ATP2B2: variants seen among roughly 807,000 people sequenced by gnomAD.
ATP2B2 encodes plasma membrane calcium-transporting ATPase 2.
ATP2B2 carries 15 observed loss-of-function variants against 120.0 expected under a neutral mutation model. The observed-to-expected ratio is 0.12, with a 90% CI of 0.08 to 0.19. The LOEUF is 0.19. ATP2B2 is among the 10% of genes least tolerant of loss of function. The pLI is 1.00. For missense variants in ATP2B2, 1,045 were observed against 1,719.8 expected (o/e 0.61, Z 6.94); for synonymous variants, 694 against 700.3 (o/e 0.99, Z 0.14).
intron 1 of ATP2B2, among the ~76,000 whole-genome samples, chr3:10,695,606 G>A (rs1413373893): frequency 6.6e-6 from 1 of 152,132 alleles, no homozygotes; most frequent in Admixed American, 6.5e-5. Flanking sequence ...TCACAACTGA[G>A]GTCATCCCAG....
intron 1 of ATP2B2, among the ~76,000 whole-genome samples, chr3:10,486,917 A>T (rs554061520): frequency 2.6e-5 from 4 of 152,118 alleles, no homozygotes; most frequent in African/African-American, 9.6e-5. Flanking sequence ...ATGGGGTTTC[A>T]TCTCTACTAA....
At chr3:10,492,223 G>A (rs1320357465) in intron 1 of ATP2B2, among the ~76,000 whole-genome samples, 1 of 152,134 alleles carries the variant, frequency 6.6e-6, no homozygotes, top group African/African-American at 2.4e-5. Flanking sequence ...GTGCTCTGCT[G>A]GGGGAGAAGC....
intron 1 of ATP2B2, among the ~76,000 whole-genome samples, chr3:10,630,699 TTAA>T (rs565118790): frequency 6.6e-6 from 1 of 152,240 alleles, no homozygotes; most frequent in Non-Finnish European, 1.5e-5. Flanking sequence ...GTTATTGTTA[TTAA>T]TACTCTGCAT....
chr3:10,601,033 C>T (rs2068894222), intron 2 of ATP2B2, among the ~76,000 whole-genome samples: 1 of 152,178 alleles, frequency 6.6e-6, no homozygotes, highest in African/African-American at 2.4e-5. Context: ...CCAGGAAGCA[C>T]AGGGTGCCAG....
chr3:10,595,502 A>G (rs1314672965), intron 2 of ATP2B2, among the ~76,000 whole-genome samples: 1 of 152,224 alleles, frequency 6.6e-6, no homozygotes, highest in Non-Finnish European at 1.5e-5. Context: ...TAAATAAACT[A>G]TTACCCTCAC....
chr3:10,371,661 A>G, intron 12 of ATP2B2, 148 bp downstream of exon 12: 1 of 1,236,276 alleles, frequency 8.1e-7, no homozygotes, highest in Non-Finnish European at 1.1e-6. Flanking sequence ...TATTAACTCA[A>G]ACAGAAACAT....
chr3:10,440,551 C>T (rs577101385), intron 2 of ATP2B2, among the ~76,000 whole-genome samples: 1 of 152,310 alleles, frequency 6.6e-6, no homozygotes, highest in South Asian at 2.1e-4. Flanking sequence ...TGTACACATC[C>T]TGGTTGTCAT....
chr3:10,559,631 A>C (rs1314081026), intron 2 of ATP2B2, among the ~76,000 whole-genome samples: 4 of 152,180 alleles, frequency 2.6e-5, no homozygotes, highest in African/African-American at 9.7e-5. Flanking sequence ...CACCCAGCCC[A>C]GGGTGCTGGA....
intron 2 of ATP2B2, among the ~76,000 whole-genome samples, chr3:10,600,721 C>T (rs1290201640): frequency 6.6e-6 from 1 of 152,196 alleles, no homozygotes; most frequent in Non-Finnish European, 1.5e-5. Context: ...GGGCCCTCTG[C>T]CCAGTTGAGA....
intron 1 of ATP2B2, among the ~76,000 whole-genome samples, chr3:10,665,674 G>A (rs994829464): frequency 1.3e-5 from 2 of 152,206 alleles, no homozygotes; most frequent in South Asian, 2.1e-4. Context: ...GTTGCTTGGA[G>A]GGCATGCCAA....
rs576548504 is a variant in ATP2B2, at chr3:10,366,957, G to A, written c.1659+4852C>T. Among the ~76,000 whole-genome samples, 7 of 152,354 alleles carry A rather than the reference G, an allele frequency of 4.6e-5. No homozygotes were observed. The South Asian group carries it at 1.2e-3, about 27-fold the overall frequency. On this transcript the variant is annotated intron_variant, in intron 12 of 22. Coordinates refer to ENST00000360273, the MANE Select transcript of ATP2B2 (RefSeq NM_001001331.4). ...TAGAAATAAGAATGGAAAGAAAAAA[G>A]GCTCTGCCATTCTCAGAAAGGATGG...
chr3:10,366,990 G>C (rs927771980), intron 12 of ATP2B2, among the ~76,000 whole-genome samples: 1 of 152,232 alleles, frequency 6.6e-6, no homozygotes, highest in African/African-American at 2.4e-5. Flanking sequence ...TGGGGCACAG[G>C]GTGGGGCTGG....
In ATP2B2 at chr3:10,328,186, G is replaced by A. The variant is rs1202436951; in HGVS notation, c.*628C>T. ...ATACAGTCTCGGAAAAGTATACGTT[G>A]ATATAGATACAAAGAAATGGATATA... On this transcript the variant is annotated 3_prime_UTR_variant, in exon 23 of 23. Transcript: ENST00000360273. 1 of 151,810 alleles carries A rather than the reference G, an allele frequency of 6.6e-6. No homozygotes were observed. The highest frequency in any genetic ancestry group is 2.4e-5 in the African/African-American group (1 of 41,156). The allele number at this position is 151,810 out of a possible 1,614,324, so 9.4% of individuals were successfully genotyped here.
intron 1 of ATP2B2, among the ~76,000 whole-genome samples, chr3:10,655,439 A>C (rs1261344858): frequency 1.0e-5 from 1 of 97,996 alleles, no homozygotes; most frequent in African/African-American, 9.4e-5. Context: ...CTATTTTGTA[A>C]ATTCCCTGGG....
At chr3:10,352,654 C>T (rs1331244519) in intron 14 of ATP2B2, among the ~76,000 whole-genome samples, 3 of 152,346 alleles carry the variant, frequency 2.0e-5, no homozygotes, top group Non-Finnish European at 4.4e-5. Flanking sequence ...GCCCCTGCCT[C>T]GTGCCACAGC....
chr3:10,500,854 C>T (rs1206609696), intron 1 of ATP2B2, among the ~76,000 whole-genome samples: 2 of 152,250 alleles, frequency 1.3e-5, no homozygotes, highest in East Asian at 3.8e-4. Context: ...CTCCTTGCTA[C>T]TTCCTGAGAC....
At chr3:10,686,974 A>T (rs1242118348) in intron 1 of ATP2B2, among the ~76,000 whole-genome samples, 1 of 152,218 alleles carries the variant, frequency 6.6e-6, no homozygotes, top group Non-Finnish European at 1.5e-5. Context: ...GATATTAGAG[A>T]GGCACAGTTG....
At position 10,340,544 on chromosome 3, in the gene ATP2B2, G is replaced by A; in HGVS notation, c.3078C>T (p.Ile1026=). The A allele has an allele frequency of 1.2e-6, 2 of 1,614,250 alleles. No individual in the cohort carries two copies. The highest frequency in any genetic ancestry group is 1.7e-6 in the Non-Finnish European group (2 of 1,180,042). ...TGGTGCAGAAGATGGGGTTCCGGAA[G>A]ATGCCGTCAAAGACATTGCGCTCGC... is the stretch of plus-strand genomic sequence containing the variant. The part of the protein sequence containing the change: ...IHGERNVFDG[I]FRNPIFCTIV... The change falls in exon 20 of 23, where the codon ATC becomes ATT. Residue 1026 remains isoleucine (I), a synonymous_variant. Coordinates refer to ENST00000360273, the MANE Select transcript of ATP2B2 (RefSeq NM_001001331.4). This position sits in a 1 kb window ranked among gnomAD's most constrained non-coding sequence, Gnocchi z 5.0.
At chr3:10,617,370 C>A (rs977363201) in intron 2 of ATP2B2, among the ~76,000 whole-genome samples, 1 of 151,836 alleles carries the variant, frequency 6.6e-6, no homozygotes, top group Non-Finnish European at 1.5e-5. Context: ...TAAAAAGAAA[C>A]AAACAAAATA....
Sources: allele counts gnomAD v4.1 joint callset (sites outside exome capture counted in the v4.1 genomes callset), GRCh38; gene constraint gnomAD v4.1.1; non-coding constraint Gnocchi (gnomAD v3.1); transcripts MANE v1.5; gene names NCBI Gene and HGNC (gene_info 2026-07-23, HGNC 2026-07-21).